CCDC112: variants seen among roughly 807,000 people sequenced by gnomAD.
The protein encoded by CCDC112 is coiled-coil domain containing 112.
Under a neutral mutation model 66.3 loss-of-function variants are expected in CCDC112, and 40 were observed. The observed-to-expected ratio is 0.60, with a 90% CI of 0.47 to 0.79. The LOEUF (loss-of-function observed/expected upper bound fraction) is 0.79, where lower values mean the gene tolerates loss of function less well. CCDC112 is among the 30% of genes least tolerant of loss of function. The pLI is 0.00. For synonymous variants in CCDC112, 214 were observed against 197.2 expected, an observed-to-expected ratio of 1.09 and a Z score of -0.71; for missense variants, 659 against 603.8, an observed-to-expected ratio of 1.09 and a Z score of -0.96.
chr5:115,272,193 G>C (rs1329321639), intron 6 of CCDC112, among the ~76,000 whole-genome samples: 2 of 152,104 alleles, frequency 1.3e-5, no homozygotes, highest in African/African-American at 4.8e-5. Flanking sequence ...AAAGTGCTGA[G>C]ATTACAGGTG....
At chr5:115,293,550 C>A (rs1750024390) in intron 1 of CCDC112, among the ~76,000 whole-genome samples, 2 of 152,056 alleles carry the variant, frequency 1.3e-5, no homozygotes, top group African/African-American at 4.8e-5. Flanking sequence ...TTTTTTCCAG[C>A]ATCTAGAACC....
chr5:115,275,099 G>T (rs1749147828), intron 6 of CCDC112, 117 bp downstream of exon 6: 1 of 781,060 alleles, frequency 1.3e-6, no homozygotes, highest in Non-Finnish European at 2.0e-6. Flanking sequence ...GTCGGGGGCG[G>T]GGAACTATAA....
intron 8 of CCDC112, 141 bp from the exon 9 acceptor site, chr5:115,269,141 A>G (rs1748896420): frequency 2.1e-6 from 1 of 466,244 alleles, no homozygotes; most frequent in Non-Finnish European, 3.8e-6. Flanking sequence ...TAAACTTCTC[A>G]TTGGGCTCAT....
Position 115,278,472 on chromosome 5 carries a change from C to G in CCDC112, c.361+1175G>C, listed in dbSNP as rs375218337. Among the ~76,000 whole-genome samples the G allele has an allele frequency of 6.7e-4, 101 of 151,738 alleles. 4 individuals are homozygous for G. The South Asian group carries it at 0.021, about 31-fold the overall frequency. ...AACACTACACTTTATAAGAGCAAAA[C>G]TTATAAAAATAACTTAAAAAAATAA... On this transcript the variant is annotated intron_variant, in intron 3 of 9. Transcript: ENST00000379611.
rs370268791 is a variant in CCDC112 at position 115,267,824 on chromosome 5, G to T, written c.*52C>A. ...AATGTGGTTAGTCACTCTCTCCCTG[G>T]TATAACTTAGTATGTTAACATTCTT... On this transcript the variant is annotated 3_prime_UTR_variant, in exon 10 of 10. Coordinates refer to ENST00000379611, the MANE Select transcript of CCDC112 (RefSeq NM_001040440.3). The T allele has an allele frequency of 1.5e-6, 2 of 1,365,348 alleles. No homozygotes were observed. The highest frequency in any genetic ancestry group is 2.1e-6 in the Non-Finnish European group (2 of 954,132). 84.6% of individuals were successfully genotyped at this position (1,365,348 alleles called of 1,614,324 possible). A position where few individuals can be genotyped will look rare whatever the true frequency, so the allele number is the denominator to read the frequency against.
At chr5:115,273,477 C>A (rs1749085621) in intron 6 of CCDC112, among the ~76,000 whole-genome samples, 1 of 152,212 alleles carries the variant, frequency 6.6e-6, no homozygotes, top group Non-Finnish European at 1.5e-5. Flanking sequence ...ACATGCCCTA[C>A]TTCAGTAAAT....
chr5:115,287,838 C>T (rs960275310), intron 1 of CCDC112, among the ~76,000 whole-genome samples: 4 of 151,504 alleles, frequency 2.6e-5, no homozygotes, highest in South Asian at 2.1e-4. Context: ...GTGCTCAACT[C>T]CAATCTGCTT....
intron 1 of CCDC112, chr5:115,296,119 T>G (rs1180304889): frequency 3.7e-6 from 4 of 1,092,010 alleles, no homozygotes; most frequent in Non-Finnish European, 3.4e-6. Flanking sequence ...GGGAGGTGCA[T>G]GTTACTATTC....
chr5:115,296,376 C>G, intron 1 of CCDC112, 51 bp downstream of exon 1: 1 of 1,534,910 alleles, frequency 6.5e-7, no homozygotes, highest in Non-Finnish European at 8.7e-7. Context: ...CAGCCAGGGC[C>G]TGCAGCCCCT....
intron 7 of CCDC112, 41 bp downstream of exon 7, chr5:115,271,172 G>A: frequency 6.6e-7 from 1 of 1,523,420 alleles, no homozygotes; most frequent in Middle Eastern, 1.8e-4. Context: ...ATACCTCCAT[G>A]TGTAGCATTT....
At chr5:115,287,364 T>A (rs1363948078) in intron 1 of CCDC112, among the ~76,000 whole-genome samples, 1 of 152,224 alleles carries the variant, frequency 6.6e-6, no homozygotes, top group Non-Finnish European at 1.5e-5. Context: ...TTTAAAAATT[T>A]GGCTGTCTAT....
Position 115,267,724 on chromosome 5 carries a change from C to A in CCDC112, c.*152G>T. 1.5e-6 allele frequency: 1 copy of A among 673,636 alleles called. No homozygotes were observed. The highest frequency in any genetic ancestry group is 1.8e-5 in the South Asian group (1 of 56,758). 41.7% of individuals were successfully genotyped at this position (673,636 alleles called of 1,614,324 possible). A position where few individuals can be genotyped will look rare whatever the true frequency, so the allele number is the denominator to read the frequency against. ...AGAAGCAGGAATACTAATGACAAAGCCTCATGAAACTTAATACCTCTCAAT... is the reference window on the plus strand; with the variant it reads ...AGAAGCAGGAATACTAATGACAAAGACTCATGAAACTTAATACCTCTCAAT... On this transcript the variant is annotated 3_prime_UTR_variant, in exon 10 of 10. Transcript: ENST00000379611.
chr5:115,279,017 G>C (rs1411368142), intron 3 of CCDC112, among the ~76,000 whole-genome samples: 1 of 152,012 alleles, frequency 6.6e-6, no homozygotes, highest in Non-Finnish European at 1.5e-5. Flanking sequence ...AATTCTTTAA[G>C]GGTAACATTC....
rs181894963 is a variant in CCDC112 at position 115,280,027 on chromosome 5, T to G, written c.240-259A>C. ...ATGATAATTTAAGAAAATGTGGATA[T>G]ACATTTGCTTTGAAAATGCATAAGC... On this transcript the variant is annotated intron_variant, in intron 2 of 9. Transcript: ENST00000379611. Among the ~76,000 whole-genome samples the G allele has an allele frequency of 1.0e-3, 156 of 152,338 alleles. 1 individual carries two copies. In the Middle Eastern group the frequency reaches 0.031, roughly 30 times the overall value.
At chr5:115,269,219 A>G (rs1748899940) in intron 8 of CCDC112, among the ~76,000 whole-genome samples, 1 of 152,150 alleles carries the variant, frequency 6.6e-6, no homozygotes, top group Non-Finnish European at 1.5e-5. Context: ...TTTTAGTTCT[A>G]TTATTTTATT....
intron 1 of CCDC112, among the ~76,000 whole-genome samples, chr5:115,293,538 CT>C (rs1750024069): frequency 2.0e-5 from 3 of 152,076 alleles, no homozygotes; most frequent in Admixed American, 2.0e-4. Flanking sequence ...ACCCCCTTAC[CT>C]TTTTTTCCAG....
intron 1 of CCDC112, among the ~76,000 whole-genome samples, chr5:115,286,353 G>A (rs1008699354): frequency 3.3e-5 from 5 of 152,074 alleles, no homozygotes; most frequent in South Asian, 2.1e-4. Context: ...AGATTCATCC[G>A]TGTTGTACCA....
intron 1 of CCDC112, among the ~76,000 whole-genome samples, chr5:115,287,846 C>T (rs1416207006): frequency 6.6e-6 from 1 of 151,596 alleles, no homozygotes; most frequent in African/African-American, 2.4e-5. Context: ...CTCCAATCTG[C>T]TTTTTTCTTT....
rs750979744 is a variant in CCDC112 at position 115,271,278 on chromosome 5, C to T, written c.1267G>A (p.Glu423Lys). 6.2e-7 allele frequency: 1 copy of T among 1,604,628 alleles called. No individual in the cohort carries two copies. The highest frequency in any genetic ancestry group is 2.2e-5 in the East Asian group (1 of 44,706). The change falls in exon 7 of 10, where the codon GAA (glutamate) becomes AAA (lysine). Residue 423 changes from glutamate (E) to lysine (K), a missense_variant. By Grantham distance (56) the Glu-to-Lys change is moderately conservative. Coordinates refer to ENST00000379611, the MANE Select transcript of CCDC112 (RefSeq NM_001040440.3). ...EFLRLEKEIR[E>K]KAEKAEKRKN... ...CTTTTTTCTGCCTTTTCTGCCTTTT[C>T]CCTTATCTCCTTTTCAAGCCTCAAA... is the stretch of plus-strand genomic sequence containing the variant.
Sources: gnomAD v4.1 joint callset for allele counts (sites outside exome capture counted in the v4.1 genomes callset) on GRCh38, gnomAD v4.1.1 for gene constraint, MANE v1.5 for transcripts, NCBI Gene and HGNC (gene_info 2026-07-23, HGNC 2026-07-21) for gene names.